YPEL2: variants seen among roughly 807,000 people sequenced by gnomAD.
YPEL2 encodes yippee like 2.
In YPEL2, 2 loss-of-function variants were observed where a neutral mutation model predicts 19.1. That is an observed-to-expected ratio of 0.10 (90% CI 0.04 to 0.33). The LOEUF (loss-of-function observed/expected upper bound fraction) is 0.33. YPEL2 is among the 10% of genes least tolerant of loss of function. The pLI, the probability that YPEL2 is intolerant of heterozygous loss-of-function variation, is 1.00. For missense variants in YPEL2, 66 were observed against 140.7 expected (o/e 0.47, Z 2.68); for synonymous variants, 52 against 50.0 (o/e 1.04, Z -0.17).
intron 2 of YPEL2, among the ~76,000 whole-genome samples, chr17:59,366,556 G>A (rs2047870334): frequency 6.6e-6 from 1 of 152,166 alleles, no homozygotes; most frequent in Admixed American, 6.5e-5. Flanking sequence ...GAGTCGGGCA[G>A]CCCCTTGTTC....
In YPEL2 at chr17:59,391,317, G is replaced by C. The variant is rs1474261319; in HGVS notation, c.270+1849G>C. Among the ~76,000 whole-genome samples the C allele has an allele frequency of 2.0e-5, 3 of 152,142 alleles. No individual in the cohort carries two copies. In the South Asian group the frequency reaches 6.2e-4, roughly 32 times the overall value. On this transcript the variant is annotated intron_variant, in intron 4 of 4. Coordinates refer to ENST00000312655, the MANE Select transcript of YPEL2 (RefSeq NM_001005404.4). ...TAATCTGGTGTGGGATTTTGATAGT[G>C]GGGGAGTCTGGAGGTGGGTAGCGGG...
Position 59,397,092 on chromosome 17 carries a change from A to T in YPEL2, c.271-9A>T. ...TTCAGTATCTCTTCTCTGCTTCTGTATTTCCTAGGAACATGCTTTTGAAAG... is the reference window on the plus strand; with the variant it reads ...TTCAGTATCTCTTCTCTGCTTCTGTTTTTCCTAGGAACATGCTTTTGAAAG... On this transcript the variant is annotated splice_polypyrimidine_tract_variant and intron_variant, in intron 4 of 4. Transcript: ENST00000312655. 1 of 1,600,360 alleles carries T rather than the reference A, an allele frequency of 6.2e-7. No individual in the cohort carries two copies. Among genetic ancestry groups the T allele is most frequent in the Non-Finnish European group, 8.5e-7 (1 of 1,174,212 alleles).
intron 4 of YPEL2, among the ~76,000 whole-genome samples, chr17:59,394,533 C>T (rs1198052152): frequency 2.0e-5 from 3 of 151,456 alleles, no homozygotes; most frequent in Admixed American, 1.3e-4. Context: ...AGACGATGGG[C>T]GGCCGGGCAG....
At chr17:59,337,050 C>T (rs1455701750) in intron 1 of YPEL2, among the ~76,000 whole-genome samples, 1 of 152,138 alleles carries the variant, frequency 6.6e-6, no homozygotes, top group Non-Finnish European at 1.5e-5. Context: ...TCAGTGTCTG[C>T]CCTTTGCTTT....
chr17:59,344,028 G>C (rs1439125841), intron 1 of YPEL2, among the ~76,000 whole-genome samples: 1 of 152,098 alleles, frequency 6.6e-6, no homozygotes, highest in South Asian at 2.1e-4. Flanking sequence ...GAGCATAAAG[G>C]GGGTTTCCTG....
intron 4 of YPEL2, among the ~76,000 whole-genome samples, chr17:59,395,987 G>A (rs2048037243): frequency 6.6e-6 from 1 of 152,096 alleles, no homozygotes; most frequent in African/African-American, 2.4e-5. Context: ...AGGCTGAGGA[G>A]GGAGAATGGC....
At chr17:59,392,480 C>T (rs2048012204) in intron 4 of YPEL2, among the ~76,000 whole-genome samples, 1 of 151,008 alleles carries the variant, frequency 6.6e-6, no homozygotes. Flanking sequence ...ATGCATCCGT[C>T]ACCTCCTATG....
chr17:59,336,033 C>T (rs114264612), intron 1 of YPEL2, among the ~76,000 whole-genome samples: 277 of 152,312 alleles, frequency 1.8e-3, no homozygotes, highest in Middle Eastern at 0.01. Context: ...TTTGCCGACA[C>T]GGAAGCTTGA....
chr17:59,358,134 C>T (rs2047822401), intron 2 of YPEL2, among the ~76,000 whole-genome samples: 1 of 152,124 alleles, frequency 6.6e-6, no homozygotes, highest in African/African-American at 2.4e-5. Context: ...GCCTCAGAGC[C>T]AGGGCCATCC....
intron 4 of YPEL2, among the ~76,000 whole-genome samples, chr17:59,395,919 A>T (rs2048036890): frequency 6.6e-6 from 1 of 152,148 alleles, no homozygotes; most frequent in African/African-American, 2.4e-5. Context: ...TCTACTGAAA[A>T]TACAAAAAAA....
At chr17:59,362,514 G>A (rs1051343762) in intron 2 of YPEL2, among the ~76,000 whole-genome samples, 1 of 152,128 alleles carries the variant, frequency 6.6e-6, no homozygotes, top group Non-Finnish European at 1.5e-5. Flanking sequence ...GGCAGCTGGA[G>A]CACAAAATCT....
At chr17:59,369,967 G>C (rs1344433065) in intron 2 of YPEL2, among the ~76,000 whole-genome samples, 1 of 152,248 alleles carries the variant, frequency 6.6e-6, no homozygotes, top group Non-Finnish European at 1.5e-5. Context: ...ATGTACTACT[G>C]TTGTCTCCAT....
chr17:59,378,961 A>G, intron 2 of YPEL2, among the ~76,000 whole-genome samples: 1 of 152,190 alleles, frequency 6.6e-6, no homozygotes, highest in Admixed American at 6.5e-5. Context: ...TCATAAGCAT[A>G]TACAGTGGCT....
intron 4 of YPEL2, among the ~76,000 whole-genome samples, chr17:59,393,808 T>G (rs2048021671): frequency 6.6e-6 from 1 of 150,508 alleles, no homozygotes; most frequent in Non-Finnish European, 1.5e-5. Context: ...CAGCACATGT[T>G]TCAGAGAGCA....
At chr17:59,391,290 T>C (rs1396474177) in intron 4 of YPEL2, among the ~76,000 whole-genome samples, 1 of 152,198 alleles carries the variant, frequency 6.6e-6, no homozygotes, top group Non-Finnish European at 1.5e-5. Context: ...TAACAAATGT[T>C]CTAATCTGGT....
chr17:59,395,505 CAA>C (rs2048034288), intron 4 of YPEL2, among the ~76,000 whole-genome samples: 4 of 152,182 alleles, frequency 2.6e-5, no homozygotes, highest in Admixed American at 6.5e-5. Context: ...TCTCTGCAAA[CAA>C]AAGAGCCCTG....
chr17:59,395,172 C>T (rs1471200613), intron 4 of YPEL2, among the ~76,000 whole-genome samples: 1 of 152,186 alleles, frequency 6.6e-6, no homozygotes, highest in East Asian at 1.9e-4. Context: ...AACAATGGAC[C>T]TTATTCCCAA....
intron 2 of YPEL2, among the ~76,000 whole-genome samples, chr17:59,358,430 TCTGAGCC>T: frequency 6.6e-6 from 1 of 152,146 alleles, no homozygotes; most frequent in Non-Finnish European, 1.5e-5. Context: ...CACCTCTGGC[TCTGAGCC>T]CTGGTGTTGT....
intron 4 of YPEL2, among the ~76,000 whole-genome samples, chr17:59,392,960 T>G (rs2048015498): frequency 1.3e-5 from 2 of 152,150 alleles, no homozygotes; most frequent in Admixed American, 1.3e-4. Flanking sequence ...CTCCTTTCAT[T>G]CCATTGTTAT....
Sources: allele counts gnomAD v4.1 joint callset (sites outside exome capture counted in the v4.1 genomes callset), GRCh38; gene constraint gnomAD v4.1.1; transcripts MANE v1.5; gene names NCBI Gene and HGNC (gene_info 2026-07-23, HGNC 2026-07-21).